SLC39A12: variants seen among roughly 807,000 people sequenced by gnomAD.
SLC39A12 encodes zinc transporter ZIP12.
SLC39A12 carries 63 observed loss-of-function variants against 71.1 expected under a neutral mutation model. The ratio of observed to expected loss-of-function variants is 0.89; its 90% CI spans 0.72 to 1.09. The LOEUF is 1.09. SLC39A12 is among the 50% of genes least tolerant of loss of function. The probability of loss-of-function intolerance (pLI) is 0.00; values close to 1 mark genes in which losing one functional copy is unlikely to be tolerated. For missense variants in SLC39A12, 892 were observed against 812.6 expected, an observed-to-expected ratio of 1.10 and a Z score of -1.19; for synonymous variants, 351 against 301.3, an observed-to-expected ratio of 1.16 and a Z score of -1.71.
chr10:18,011,197 A>T (rs1239084190), intron 12 of SLC39A12, among the ~76,000 whole-genome samples: 1 of 151,748 alleles, frequency 6.6e-6, no homozygotes, highest in Non-Finnish European at 1.5e-5. Context: ...TCAAGCAATT[A>T]TCCTGCCTCA....
chr10:17,967,738 T>A (rs1834864331), intron 4 of SLC39A12, among the ~76,000 whole-genome samples: 1 of 150,634 alleles, frequency 6.6e-6, no homozygotes, highest in African/African-American at 2.4e-5. Flanking sequence ...CAAAAAAAAA[T>A]AAGCCAGGCG....
chr10:18,036,037 A>C (rs1301642480), intron 12 of SLC39A12, among the ~76,000 whole-genome samples: 1 of 152,176 alleles, frequency 6.6e-6, no homozygotes, highest in Non-Finnish European at 1.5e-5. Flanking sequence ...TGGGAGAACC[A>C]CTGCTCTCTT....
chr10:17,968,564 GT>G, intron 4 of SLC39A12, among the ~76,000 whole-genome samples: 1 of 152,058 alleles, frequency 6.6e-6, no homozygotes, highest in South Asian at 2.1e-4. Flanking sequence ...CTCATTCATT[GT>G]TTATCTGAGA....
intron 1 of SLC39A12, 66 bp from the exon 2 acceptor site, chr10:17,953,125 A>T (rs1834446429): frequency 1.0e-6 from 1 of 994,626 alleles, no homozygotes; most frequent in Non-Finnish European, 1.5e-6. Context: ...CCACCCAATT[A>T]ATGAATCCTT....
At chr10:17,972,195 T>A (rs1834992238) in intron 4 of SLC39A12, among the ~76,000 whole-genome samples, 1 of 152,190 alleles carries the variant, frequency 6.6e-6, no homozygotes, top group Admixed American at 6.5e-5. Context: ...TCAGAGAAGA[T>A]GCTTGATGTT....
chr10:17,996,215 T>G (rs1835679283), intron 10 of SLC39A12, among the ~76,000 whole-genome samples: 1 of 152,066 alleles, frequency 6.6e-6, no homozygotes, highest in Non-Finnish European at 1.5e-5. Context: ...AACTCATTTG[T>G]TCATTTAATT....
At chr10:17,953,640 C>G (rs1834465029) in intron 2 of SLC39A12, 103 bp downstream of exon 2, 1 of 1,342,814 alleles carries the variant, frequency 7.4e-7, no homozygotes, top group Non-Finnish European at 1.0e-6. Flanking sequence ...GGCAAATCTT[C>G]CAATATGCAA....
intron 12 of SLC39A12, among the ~76,000 whole-genome samples, chr10:18,041,875 A>G (rs921401961): frequency 2.7e-5 from 4 of 148,554 alleles, no homozygotes; most frequent in South Asian, 4.2e-4. Flanking sequence ...ATGTATATGT[A>G]TATATATACA....
At position 18,043,284 on chromosome 10, in the gene SLC39A12, A is replaced by G. The variant is rs1297733406; in HGVS notation, c.*451A>G. ...AGCAAATGTAATAAAGACTAGTTTT[A>G]ATATGGTGGTTTTTATTACCTTCTG... On this transcript the variant is annotated 3_prime_UTR_variant, in exon 13 of 13. Transcript: ENST00000377369. The G allele has an allele frequency of 6.5e-6, 1 of 153,242 alleles. No individual in the cohort carries two copies. The highest frequency in any genetic ancestry group is 1.5e-5 in the Non-Finnish European group (1 of 68,574). 9.5% of individuals were successfully genotyped at this position (153,242 alleles called of 1,614,324 possible).
At chr10:17,981,584 AT>A in intron 6 of SLC39A12, 101 bp downstream of exon 6, 1 of 927,020 alleles carries the variant, frequency 1.1e-6, no homozygotes. Context: ...TGTTGTAAAC[AT>A]TTTACATTTA....
intron 4 of SLC39A12, among the ~76,000 whole-genome samples, chr10:17,975,953 A>G (rs1835098063): frequency 6.6e-6 from 1 of 152,180 alleles, no homozygotes; most frequent in Non-Finnish European, 1.5e-5. Context: ...TTAACAGGAC[A>G]GCATTGAGTT....
intron 12 of SLC39A12, among the ~76,000 whole-genome samples, chr10:18,035,984 T>A (rs1162276837): frequency 1.3e-5 from 2 of 152,194 alleles, no homozygotes; most frequent in Admixed American, 6.5e-5. Flanking sequence ...AGGGACCCAC[T>A]TGAGGAGGCA....
intron 9 of SLC39A12, among the ~76,000 whole-genome samples, chr10:17,993,494 T>G (rs964190000): frequency 1.3e-5 from 2 of 152,204 alleles, no homozygotes; most frequent in Admixed American, 1.3e-4. Context: ...CTCCACAGAT[T>G]CACGTAATTG....
intron 12 of SLC39A12, among the ~76,000 whole-genome samples, chr10:18,026,790 A>G (rs954483226): frequency 6.6e-6 from 1 of 152,100 alleles, no homozygotes; most frequent in African/African-American, 2.4e-5. Context: ...CTCTTTAGCC[A>G]TGTCTAATCT....
At chr10:17,998,662 A>G (rs1268322372) in intron 10 of SLC39A12, among the ~76,000 whole-genome samples, 1 of 152,224 alleles carries the variant, frequency 6.6e-6, no homozygotes, top group Non-Finnish European at 1.5e-5. Flanking sequence ...TTAGTTCTAC[A>G]GTGATATTTC....
At chr10:18,021,624 A>C (rs1328083551) in intron 12 of SLC39A12, among the ~76,000 whole-genome samples, 1 of 152,062 alleles carries the variant, frequency 6.6e-6, no homozygotes, top group Non-Finnish European at 1.5e-5. Context: ...TTTATGTTCA[A>C]GGTTAATATT....
rs968488422 is a variant in SLC39A12 at position 17,997,602 on chromosome 10, A to G, written c.1600+1880A>G. ...AACGATGGTCTTCTTCAAACATTTTATAGGCCTCTTACCTACCTGCTTACT... is the reference window on the plus strand; with the variant it reads ...AACGATGGTCTTCTTCAAACATTTTGTAGGCCTCTTACCTACCTGCTTACT... On this transcript the variant is annotated intron_variant, in intron 10 of 12. Transcript: ENST00000377369. Among the ~76,000 whole-genome samples the G allele has an allele frequency of 3.9e-5, 6 of 152,318 alleles. No homozygotes were observed. In the Middle Eastern group the frequency reaches 0.014, roughly 345 times the overall value.
chr10:18,037,109 C>T lies in SLC39A12; in HGVS notation c.1948-5596C>T, dbSNP rs189809893. On this transcript the variant is annotated intron_variant, in intron 12 of 12. Transcript: ENST00000377369. ...GCCTAAAAATTGCTATAGATTATAC[C>T]TCTTTCCAAAATTTTTTGGACCATT... is the stretch of plus-strand genomic sequence containing the variant. Among the ~76,000 whole-genome samples, 358 of 152,054 alleles carry T rather than the reference C, an allele frequency of 2.4e-3. 3 individuals carry two copies. Among genetic ancestry groups the T allele is most frequent in the South Asian group, 3.9e-3 (19 of 4,812 alleles).
At chr10:17,996,035 G>A (rs140854771) in intron 10 of SLC39A12, among the ~76,000 whole-genome samples, 121 of 152,222 alleles carry the variant, frequency 7.9e-4, no homozygotes, top group African/African-American at 2.6e-3. Context: ...AAACATATTT[G>A]TGTGATGATT....
Sources: gnomAD v4.1 joint callset for allele counts (sites outside exome capture counted in the v4.1 genomes callset) on GRCh38, gnomAD v4.1.1 for gene constraint, MANE v1.5 for transcripts, NCBI Gene and HGNC (gene_info 2026-07-23, HGNC 2026-07-21) for gene names.